Variants in PRKCE observed in about 807,000 individuals in gnomAD.
PRKCE encodes the protein protein kinase C epsilon type.
Under a neutral mutation model 85.4 loss-of-function variants are expected in PRKCE, and 16 were observed. The ratio of observed to expected loss-of-function variants is 0.19; its 90% CI spans 0.13 to 0.28. The LOEUF (loss-of-function observed/expected upper bound fraction) is 0.28. PRKCE is among the 10% of genes least tolerant of loss of function. The pLI, the probability that PRKCE is intolerant of heterozygous loss-of-function variation, is 1.00. For missense variants in PRKCE, 573 were observed against 975.2 expected, an observed-to-expected ratio of 0.59 and a Z score of 5.49; for synonymous variants, 388 against 371.5, an observed-to-expected ratio of 1.04 and a Z score of -0.51.
At chr2:46,016,196 T>C (rs1706127998) in intron 10 of PRKCE, among the ~76,000 whole-genome samples, 2 of 152,252 alleles carry the variant, frequency 1.3e-5, no homozygotes, top group African/African-American at 4.8e-5. Flanking sequence ...AACACATCTT[T>C]AGTGAGCACC....
At chr2:45,969,619 C>G (rs1204123631) in intron 2 of PRKCE, among the ~76,000 whole-genome samples, 2 of 152,300 alleles carry the variant, frequency 1.3e-5, no homozygotes, top group African/African-American at 4.8e-5. Flanking sequence ...CTGCAGTTCC[C>G]TCACCTCCTG....
chr2:45,661,102 T>G (rs1032239315), intron 1 of PRKCE, among the ~76,000 whole-genome samples: 8 of 152,198 alleles, frequency 5.3e-5, no homozygotes, highest in African/African-American at 1.9e-4. Flanking sequence ...AAAAGTCACC[T>G]GTATTTGCCA....
At chr2:46,136,616 A>G (rs943524422) in intron 11 of PRKCE, among the ~76,000 whole-genome samples, 6 of 152,168 alleles carry the variant, frequency 3.9e-5, no homozygotes, top group Non-Finnish European at 8.8e-5. Context: ...TGTTGTGGGA[A>G]GGAAAGGAAT....
intron 1 of PRKCE, among the ~76,000 whole-genome samples, chr2:45,783,520 T>G (rs748197148): frequency 3.3e-5 from 5 of 152,228 alleles, no homozygotes; most frequent in Non-Finnish European, 7.3e-5. Flanking sequence ...AGCATTTCCC[T>G]CCTTGGGAAT....
intron 1 of PRKCE, among the ~76,000 whole-genome samples, chr2:45,758,128 G>A (rs918476728): frequency 2.6e-5 from 4 of 152,234 alleles, no homozygotes; most frequent in African/African-American, 9.6e-5. Context: ...GATGGGCTGA[G>A]ACAGATTGCC....
chr2:45,932,515 C>T (rs909333822), intron 2 of PRKCE, among the ~76,000 whole-genome samples: 2 of 152,224 alleles, frequency 1.3e-5, no homozygotes, highest in South Asian at 4.1e-4. Context: ...AATTTACACA[C>T]CCACCAACAG....
chr2:45,974,740 G>C (rs1408104190), intron 2 of PRKCE, among the ~76,000 whole-genome samples: 1 of 152,194 alleles, frequency 6.6e-6, no homozygotes, highest in Non-Finnish European at 1.5e-5. Flanking sequence ...AGGTCCAGGA[G>C]GGATCAATGC....
chr2:46,027,086 T>C (rs547950050), intron 10 of PRKCE, among the ~76,000 whole-genome samples: 1 of 152,300 alleles, frequency 6.6e-6, no homozygotes, highest in African/African-American at 2.4e-5. Context: ...GGAGGATCGC[T>C]TGAGCCTAGG....
intron 10 of PRKCE, among the ~76,000 whole-genome samples, chr2:46,044,642 A>G (rs36075237): frequency 0.16 from 24,887 of 152,238 alleles, 2,733 homozygotes; most frequent in Non-Finnish European, 0.24. Context: ...AAAGTCCTGT[A>G]GAAACCTGGA....
chr2:46,126,190 A>T (rs1185367980), intron 11 of PRKCE, among the ~76,000 whole-genome samples: 1 of 152,186 alleles, frequency 6.6e-6, no homozygotes, highest in African/African-American at 2.4e-5. Flanking sequence ...CAACCCACAG[A>T]GATCTCTCTG....
At chr2:45,736,420 T>C (rs1029225870) in intron 1 of PRKCE, among the ~76,000 whole-genome samples, 11 of 152,318 alleles carry the variant, frequency 7.2e-5, no homozygotes, top group African/African-American at 1.4e-4. Flanking sequence ...GATCATACTG[T>C]CTAAAGCATT....
chr2:45,846,553 C>A (rs1691804980), intron 2 of PRKCE, among the ~76,000 whole-genome samples: 1 of 152,186 alleles, frequency 6.6e-6, no homozygotes, highest in Non-Finnish European at 1.5e-5. Flanking sequence ...ACGTACCTCA[C>A]AAATGATGCA....
At chr2:46,079,736 C>A (rs767042804) in intron 10 of PRKCE, among the ~76,000 whole-genome samples, 15 of 152,184 alleles carry the variant, frequency 9.9e-5, no homozygotes, top group East Asian at 1.9e-4. Context: ...CCAAAGAAAC[C>A]TAACTGCTGC....
At chr2:45,695,041 G>A (rs755552468) in intron 1 of PRKCE, among the ~76,000 whole-genome samples, 3 of 152,178 alleles carry the variant, frequency 2.0e-5, no homozygotes, top group Non-Finnish European at 4.4e-5. Flanking sequence ...CTCTGCCCCT[G>A]TGAGACACAT....
chr2:45,710,774 A>G (rs945745184), intron 1 of PRKCE, among the ~76,000 whole-genome samples: 73 of 152,134 alleles, frequency 4.8e-4, no homozygotes, highest in Admixed American at 4.6e-3. Context: ...CTGATATACC[A>G]TTGTTTGCCA....
At chr2:45,843,546 G>A (rs1188298164) in intron 2 of PRKCE, among the ~76,000 whole-genome samples, 1 of 152,150 alleles carries the variant, frequency 6.6e-6, no homozygotes, top group Non-Finnish European at 1.5e-5. Context: ...GAAATAATGG[G>A]GTGAGGGAAC....
chr2:46,107,843 T>C (rs1406091686), intron 11 of PRKCE, among the ~76,000 whole-genome samples: 1 of 152,138 alleles, frequency 6.6e-6, no homozygotes, highest in Non-Finnish European at 1.5e-5. Context: ...ATTTGCCATC[T>C]GTATATCTGT....
At position 46,139,174 on chromosome 2, in the gene PRKCE, G is replaced by T. The variant is rs926980520; in HGVS notation, c.1593-5919G>T. 6.6e-6 allele frequency among the ~76,000 whole-genome samples: 1 copy of T among 152,178 alleles called. No homozygotes were observed. The highest frequency in any genetic ancestry group is 2.4e-5 in the African/African-American group (1 of 41,434). ...ATTACTTAGCATTGTTCTTGAGGTT[G>T]CAGTCAACACAATCAGACACAAGAA... On this transcript the variant is annotated intron_variant, in intron 11 of 14. Coordinates refer to ENST00000306156, the MANE Select transcript of PRKCE (RefSeq NM_005400.3). The surrounding 1 kb of genome is among the most constrained non-coding windows in gnomAD (Gnocchi z 5.2).
At chr2:45,694,203 G>T (rs561263015) in intron 1 of PRKCE, among the ~76,000 whole-genome samples, 2 of 150,508 alleles carry the variant, frequency 1.3e-5, no homozygotes, top group Non-Finnish European at 3.0e-5. Flanking sequence ...TTTCTCTAGC[G>T]TCAAGTATTA....
Sources: gnomAD v4.1 joint callset for allele counts (sites outside exome capture counted in the v4.1 genomes callset) on GRCh38, gnomAD v4.1.1 for gene constraint, Gnocchi (gnomAD v3.1) non-coding constraint, MANE v1.5 for transcripts, NCBI Gene and HGNC (gene_info 2026-07-23, HGNC 2026-07-21) for gene names.